MAP3K15: variants seen among roughly 807,000 people sequenced by gnomAD.
The protein encoded by MAP3K15 is mitogen-activated protein kinase kinase kinase 15.
A neutral mutation model predicts 99.5 loss-of-function variants in MAP3K15; 124 were observed. The ratio of observed to expected loss-of-function variants is 1.25; its 90% CI spans 1.08 to 1.45. The LOEUF (loss-of-function observed/expected upper bound fraction) is 1.45, where lower values mean the gene tolerates loss of function less well. MAP3K15 is among the 40% of genes most tolerant of loss of function. The pLI is 0.00. For synonymous variants in MAP3K15, 494 were observed against 439.6 expected (o/e 1.12, Z -1.55); for missense variants, 1,242 against 1,079.7 (o/e 1.15, Z -2.11).
intron 9 of MAP3K15, among the ~76,000 whole-genome samples, chrX:19,421,796 T>C (rs1371296177): frequency 9.1e-6 from 1 of 110,099 alleles, no homozygotes; most frequent in East Asian, 2.8e-4. Context: ...AAGGCTACGG[T>C]AACCAAAACA....
At chrX:19,445,576 T>G (rs1366032784) in intron 6 of MAP3K15, among the ~76,000 whole-genome samples, 2 of 74,407 alleles carry the variant, frequency 2.7e-5, no homozygotes, top group Admixed American at 1.7e-4. Context: ...GGCGACAGAG[T>G]GAGACTCTGT....
chrX:19,474,933 TCC>T (rs2064231993), intron 3 of MAP3K15, among the ~76,000 whole-genome samples: 1 of 111,139 alleles, frequency 9.0e-6, no homozygotes. Flanking sequence ...AAAACAGTGG[TCC>T]CCAACCTTTT....
chrX:19,383,089 C>T (rs1206169338), intron 18 of MAP3K15, among the ~76,000 whole-genome samples: 2 of 111,297 alleles, frequency 1.8e-5, no homozygotes, highest in Non-Finnish European at 3.8e-5. Context: ...CCAGCCTCAT[C>T]TTGCCCCTCA....
At chrX:19,378,566 A>G (rs930888404) in intron 19 of MAP3K15, among the ~76,000 whole-genome samples, 3 of 111,161 alleles carry the variant, frequency 2.7e-5, no homozygotes, top group African/African-American at 9.8e-5. Flanking sequence ...TGGATGGGGG[A>G]AATCACCCCC....
intron 3 of MAP3K15, among the ~76,000 whole-genome samples, chrX:19,485,579 G>T (rs1329925859): frequency 9.0e-6 from 1 of 110,843 alleles, no homozygotes; most frequent in Non-Finnish European, 1.9e-5. Context: ...CAGGGTCCTG[G>T]GGAAGCCTGG....
At chrX:19,443,451 C>T (rs1459098216) in intron 6 of MAP3K15, among the ~76,000 whole-genome samples, 1 of 111,829 alleles carries the variant, frequency 8.9e-6, no homozygotes, top group African/African-American at 3.3e-5. Flanking sequence ...TATAGTACAG[C>T]AGGAGGGATG....
chrX:19,446,775 T>G (rs772595751), intron 6 of MAP3K15, among the ~76,000 whole-genome samples: 3 of 111,494 alleles, frequency 2.7e-5, no homozygotes, highest in African/African-American at 9.8e-5. Flanking sequence ...TCGGGTGAAC[T>G]TGTAATCTGG....
intron 1 of MAP3K15, among the ~76,000 whole-genome samples, chrX:19,504,561 A>G (rs985903139): frequency 8.9e-6 from 1 of 111,999 alleles, no homozygotes; most frequent in African/African-American, 3.2e-5. Context: ...AGGAAAACTA[A>G]AGCTAGCCTT....
intron 7 of MAP3K15, among the ~76,000 whole-genome samples, chrX:19,426,902 G>A (rs1206994895): frequency 1.9e-5 from 2 of 105,811 alleles, no homozygotes; most frequent in East Asian, 5.8e-4. Flanking sequence ...TTGCTCATAG[G>A]ATTTTTATTA....
At chrX:19,468,250 G>A (rs776221601) in intron 3 of MAP3K15, among the ~76,000 whole-genome samples, 1 of 112,282 alleles carries the variant, frequency 8.9e-6, no homozygotes, top group South Asian at 3.7e-4. Context: ...CCAGCTAGAA[G>A]TTTAACAGAG....
intron 18 of MAP3K15, among the ~76,000 whole-genome samples, chrX:19,382,161 G>A (rs906503413): frequency 1.9e-5 from 2 of 105,265 alleles, no homozygotes; most frequent in African/African-American, 7.2e-5. Context: ...GCTGAGGCAG[G>A]AGAATCCCTT....
Position 19,486,496 on chromosome X carries a change from T to G in MAP3K15, c.511A>C (p.Thr171Pro), listed in dbSNP as rs1325876501. 1 of 883,661 alleles carries G rather than the reference T, an allele frequency of 1.1e-6. No individual in the cohort carries two copies. The highest frequency in any genetic ancestry group is 2.1e-5 in the African/African-American group (1 of 48,708). 72.8% of individuals were successfully genotyped at this position (883,661 alleles called of 1,213,427 possible). A position where few individuals can be genotyped will look rare whatever the true frequency, so the allele number is the denominator to read the frequency against. ...DTALSLKDMV[T>P]QKNTASSGNY... ...TTAATACTTACTGTGTTTTTTTGAG[T>G]TACCATGTCCTGAAAAGAAAAAGAA... The change falls in exon 3 of 29, where the codon ACT becomes CCT. Residue 171 changes from threonine to proline, a missense_variant. Transcript: ENST00000338883.
chrX:19,367,610 C>A (rs1032507040), intron 25 of MAP3K15, among the ~76,000 whole-genome samples: 2 of 108,505 alleles, frequency 1.8e-5, no homozygotes, highest in African/African-American at 6.7e-5. Flanking sequence ...ATCCAAAATA[C>A]GTAACTGGCC....
intron 1 of MAP3K15, among the ~76,000 whole-genome samples, chrX:19,508,658 G>C (rs1200345725): frequency 9.0e-6 from 1 of 111,677 alleles, no homozygotes; most frequent in Non-Finnish European, 1.9e-5. Context: ...TGAGGTGGGA[G>C]GATCACTTGA....
chrX:19,454,461 G>A lies in MAP3K15; in HGVS notation c.995+2452C>T, dbSNP rs373371623. On this transcript the variant is annotated intron_variant, in intron 6 of 28. Transcript: ENST00000338883. Reference sequence around the variant, plus strand: ...AAGCAGCAAGCAGTTTAACTGCTCAGTGGAAACTTGAAGTAGCTTTGAATG... The same window carrying A: ...AAGCAGCAAGCAGTTTAACTGCTCAATGGAAACTTGAAGTAGCTTTGAATG... Among the ~76,000 whole-genome samples, 26 of 112,070 alleles carry A rather than the reference G, an allele frequency of 2.3e-4. 3 individuals carry two copies. The highest frequency in any genetic ancestry group is 2.0e-3 in the East Asian group (7 of 3,583).
At chrX:19,495,730 C>G (rs991152227) in intron 1 of MAP3K15, among the ~76,000 whole-genome samples, 4 of 111,593 alleles carry the variant, frequency 3.6e-5, no homozygotes, top group African/African-American at 1.3e-4. Flanking sequence ...ATGAGTTAAG[C>G]CACTTCATCT....
At chrX:19,468,428 T>C (rs1047241741) in intron 3 of MAP3K15, among the ~76,000 whole-genome samples, 1 of 111,963 alleles carries the variant, frequency 8.9e-6, no homozygotes, top group Admixed American at 9.5e-5. Flanking sequence ...GGAGGGAGAC[T>C]AACAACTCAG....
Position 19,398,356 on chromosome X carries a change from C to A in MAP3K15, c.1936G>T (p.Glu646Ter). 8.3e-7 allele frequency: 1 copy of A among 1,210,291 alleles called. No individual in the cohort carries two copies. Among genetic ancestry groups the A allele is most frequent in the Non-Finnish European group, 1.1e-6 (1 of 894,950 alleles). The change falls in exon 15 of 29, where the codon GAG becomes TAG. Residue 646 changes from glutamate to a stop codon, truncating the protein, a stop_gained. Transcript: ENST00000338883. LOFTEE classifies it high-confidence loss of function. ...GETDGDTLEY[E>*]YDHDANGERV... ...TCACCATTTGCATCATGGTCATACT[C>A]ATACTGAAGAAGGAAAAACAAAAGG...
At chrX:19,397,048 C>A (rs1451655036) in intron 15 of MAP3K15, among the ~76,000 whole-genome samples, 1 of 109,113 alleles carries the variant, frequency 9.2e-6, no homozygotes, top group African/African-American at 3.3e-5. Context: ...TACAGGTGTG[C>A]GCCACCATGC....
Sources: gnomAD v4.1 joint callset for allele counts (sites outside exome capture counted in the v4.1 genomes callset) on GRCh38, gnomAD v4.1.1 for gene constraint, MANE v1.5 for transcripts, NCBI Gene and HGNC (gene_info 2026-07-23, HGNC 2026-07-21) for gene names.